Variants in PRKCE observed in about 807,000 individuals in gnomAD.
The protein encoded by PRKCE is protein kinase C epsilon, also known as protein kinase C epsilon type.
PRKCE carries 16 observed loss-of-function variants against 85.4 expected under a neutral mutation model. That is an observed-to-expected ratio of 0.19 (90% CI 0.13 to 0.28). The LOEUF is 0.28. PRKCE is among the 10% of genes least tolerant of loss of function. The pLI is 1.00. For missense variants in PRKCE, 573 were observed against 975.2 expected (o/e 0.59, Z 5.49); for synonymous variants, 388 against 371.5 (o/e 1.04, Z -0.51).
chr2:45,724,508 A>G (rs776586153), intron 1 of PRKCE, among the ~76,000 whole-genome samples: 4 of 152,254 alleles, frequency 2.6e-5, no homozygotes, highest in Non-Finnish European at 5.9e-5. Flanking sequence ...ACTTGAAATC[A>G]AAACTAGAAA....
At chr2:45,727,143 G>A (rs1016229058) in intron 1 of PRKCE, among the ~76,000 whole-genome samples, 1 of 152,106 alleles carries the variant, frequency 6.6e-6, no homozygotes, top group South Asian at 2.1e-4. Flanking sequence ...TATGTGATGG[G>A]GCAGAGTTAA....
intron 1 of PRKCE, among the ~76,000 whole-genome samples, chr2:45,804,293 C>T (rs1392150484): frequency 6.6e-6 from 1 of 152,204 alleles, no homozygotes; most frequent in Non-Finnish European, 1.5e-5. Context: ...GAATGGGTTT[C>T]AACCCTGACT....
chr2:46,034,289 G>A (rs901635526), intron 10 of PRKCE, among the ~76,000 whole-genome samples: 3 of 152,174 alleles, frequency 2.0e-5, no homozygotes, highest in African/African-American at 2.4e-5. Context: ...AGGGTTGTAG[G>A]GAGGATTAAA....
chr2:46,145,315 T>C lies in PRKCE; in HGVS notation c.1731+84T>C, dbSNP rs1675960737. 7 of 1,530,424 alleles carry C rather than the reference T, an allele frequency of 4.6e-6. No individual in the cohort carries two copies. Among genetic ancestry groups the C allele is most frequent in the Non-Finnish European group, 6.2e-6 (7 of 1,124,234 alleles). The allele number at this position is 1,530,424 out of a possible 1,614,324, so 94.8% of individuals were successfully genotyped here. A position where few individuals can be genotyped will look rare whatever the true frequency, so the allele number is the denominator to read the frequency against. ...AAACCCATGCACTGGGGTCATCTAG[T>C]GGTGCTGGGGGAAGGCTCTGGAAAT... On this transcript the variant is annotated intron_variant, in intron 12 of 14. Transcript: ENST00000306156. The surrounding 1 kb of genome is among the most constrained non-coding windows in gnomAD (Gnocchi z 4.6).
At chr2:46,010,201 GCATGCCACCA>G (rs1471805324) in intron 9 of PRKCE, 133 bp from the exon 10 acceptor site, 4 of 891,502 alleles carry the variant, frequency 4.5e-6, no homozygotes, top group Non-Finnish European at 6.4e-6. Flanking sequence ...TATCTTGGGT[GCATGCCACCA>G]CACCAGGCTT....
intron 2 of PRKCE, among the ~76,000 whole-genome samples, chr2:45,950,492 A>C (rs1424430778): frequency 6.6e-6 from 1 of 152,174 alleles, no homozygotes; most frequent in Admixed American, 6.5e-5. Flanking sequence ...AATTTTGAGG[A>C]TGGCAGATAA....
chr2:46,106,683 G>C (rs1406833751), intron 11 of PRKCE, among the ~76,000 whole-genome samples: 1 of 152,194 alleles, frequency 6.6e-6, no homozygotes, highest in Non-Finnish European at 1.5e-5. Flanking sequence ...TGTCTTTTCT[G>C]TGTGTCTGAA....
chr2:46,010,250 C>G, intron 9 of PRKCE, 94 bp from the exon 10 acceptor site: 1 of 1,331,744 alleles, frequency 7.5e-7, no homozygotes, highest in East Asian at 2.4e-5. Flanking sequence ...AAAGAAAAAA[C>G]AGAATTCGTT....
chr2:45,950,584 C>T (rs1161639489), intron 2 of PRKCE, among the ~76,000 whole-genome samples: 1 of 152,054 alleles, frequency 6.6e-6, no homozygotes, highest in Non-Finnish European at 1.5e-5. Context: ...GGTTTATGCT[C>T]GACTGTGCCC....
Position 45,997,049 on chromosome 2 carries a change from T to A in PRKCE, c.824-4355T>A, listed in dbSNP as rs948647887. Among the ~76,000 whole-genome samples the A allele has an allele frequency of 3.9e-5, 6 of 152,184 alleles. No homozygotes were observed. In the East Asian group the frequency reaches 1.2e-3, roughly 29 times the overall value. On this transcript the variant is annotated intron_variant, in intron 6 of 14. Transcript: ENST00000306156. ...TCTTCTTATGTAAGTTGTGGCAGAT[T>A]GTGTATTTTAAGGAATTAGTCTCAT... is the stretch of plus-strand genomic sequence containing the variant.
intron 10 of PRKCE, among the ~76,000 whole-genome samples, chr2:46,083,161 G>A (rs1669264014): frequency 6.6e-6 from 1 of 152,174 alleles, no homozygotes. Context: ...ATGTTGGCCA[G>A]GTTGATCTCG....
At chr2:45,721,236 C>G (rs991938776) in intron 1 of PRKCE, among the ~76,000 whole-genome samples, 5 of 152,192 alleles carry the variant, frequency 3.3e-5, no homozygotes, top group African/African-American at 1.2e-4. Context: ...GTAACTTGCC[C>G]AAGGTCAGCC....
At chr2:46,072,426 A>G (rs1362920597) in intron 10 of PRKCE, among the ~76,000 whole-genome samples, 1 of 152,266 alleles carries the variant, frequency 6.6e-6, no homozygotes, top group Non-Finnish European at 1.5e-5. Context: ...CTTTCTTGCC[A>G]TCATGAAATG....
At position 45,761,326 on chromosome 2, in the gene PRKCE, CA is replaced by C. The variant is rs370710295; in HGVS notation, c.349-81650del. Among the ~76,000 whole-genome samples the C allele has an allele frequency of 7.3e-3, 600 of 82,202 alleles. 1 individual carries two copies. The highest frequency in any genetic ancestry group is 0.028 in the African/African-American group (531 of 19,080). 53.9% of individuals were successfully genotyped at this position (82,202 alleles called of 152,430 possible). On this transcript the variant is annotated intron_variant, in intron 1 of 14. Transcript: ENST00000306156. ...TGGGCGACAGAGCGAGACTCCATCT[CA>C]AAAAAAAAAAAAAAAAAAAAAAATC...
At chr2:45,731,886 T>C (rs1681610341) in intron 1 of PRKCE, among the ~76,000 whole-genome samples, 1 of 152,098 alleles carries the variant, frequency 6.6e-6, no homozygotes, top group Admixed American at 6.5e-5. Flanking sequence ...TTTACAGACA[T>C]GAACCAGTGT....
intron 10 of PRKCE, among the ~76,000 whole-genome samples, chr2:46,077,412 T>C (rs970464381): frequency 1.9e-4 from 29 of 152,122 alleles, no homozygotes; most frequent in Non-Finnish European, 1.0e-4. Flanking sequence ...TATACAGCAT[T>C]GCATTTAGAA....
chr2:45,862,767 G>A lies in PRKCE; in HGVS notation c.412+19704G>A, dbSNP rs576617419. Among the ~76,000 whole-genome samples, 3 of 152,306 alleles carry A rather than the reference G, an allele frequency of 2.0e-5. No individual in the cohort carries two copies. In the South Asian group the frequency reaches 6.2e-4, roughly 32 times the overall value. ...TCTATTCTGCTCCCCAAGGCTGTGT[G>A]TGTTTATATGTGTGTGGTGTGTGTA... On this transcript the variant is annotated intron_variant, in intron 2 of 14. Coordinates refer to ENST00000306156, the MANE Select transcript of PRKCE (RefSeq NM_005400.3).
At chr2:45,811,361 T>C (rs1688641281) in intron 1 of PRKCE, among the ~76,000 whole-genome samples, 1 of 152,182 alleles carries the variant, frequency 6.6e-6, no homozygotes, top group Admixed American at 6.5e-5. Flanking sequence ...AGATACAGCG[T>C]TCAGTGAAAA....
intron 2 of PRKCE, among the ~76,000 whole-genome samples, chr2:45,870,862 C>A (rs906319728): frequency 3.9e-5 from 6 of 152,252 alleles, no homozygotes; most frequent in African/African-American, 1.4e-4. Context: ...ACATAGTGAG[C>A]GCTTGGTGAT....
Sources: allele counts gnomAD v4.1 joint callset (sites outside exome capture counted in the v4.1 genomes callset), GRCh38; gene constraint gnomAD v4.1.1; non-coding constraint Gnocchi (gnomAD v3.1); transcripts MANE v1.5; gene names NCBI Gene and HGNC (gene_info 2026-07-23, HGNC 2026-07-21).